The following UBE3D variants were observed in gnomAD, a reference collection of about 807,000 sequenced individuals.
UBE3D encodes the protein ubiquitin protein ligase E3D.
Under a neutral mutation model 49.6 loss-of-function variants are expected in UBE3D, and 48 were observed. The observed-to-expected ratio is 0.97, with a 90% confidence interval of 0.77 to 1.23. The LOEUF is 1.23. Ranked by LOEUF, UBE3D falls within the 50% of genes most tolerant of loss-of-function variation. UBE3D has a pLI of 0.00. For missense variants in UBE3D, 452 were observed against 468.4 expected, an observed-to-expected ratio of 0.96 and a Z score of 0.32; for synonymous variants, 189 against 174.2, an observed-to-expected ratio of 1.08 and a Z score of -0.67.
rs760040124 is a variant in UBE3D, at chr6:83,022,526, A to C, written c.773T>G (p.Leu258Arg). ...WFVQSVIAQCLVQLSSARSTF... is the reference protein window; with the variant it reads ...WFVQSVIAQCRVQLSSARSTF... Reference sequence around the variant, plus strand: ...GCTTCTAGCAGAGGAGAGCTGCACCAGACACTGGGCGATCACGCTCTGGAC... The same window carrying C: ...GCTTCTAGCAGAGGAGAGCTGCACCCGACACTGGGCGATCACGCTCTGGAC... The change falls in exon 7 of 10, where the codon CTG becomes CGG. Residue 258 changes from leucine (L) to arginine (R), a missense_variant. Transcript: ENST00000369747. 1.9e-6 allele frequency: 3 copies of C among 1,605,700 alleles called. No homozygotes were observed. The East Asian group carries it at 6.8e-5, about 36-fold the overall frequency.
At chr6:82,902,017 C>G (rs1771771943) in intron 9 of UBE3D, among the ~76,000 whole-genome samples, 1 of 152,166 alleles carries the variant, frequency 6.6e-6, no homozygotes, top group Non-Finnish European at 1.5e-5. Flanking sequence ...TGGCATATGA[C>G]TAGACTGTGG....
At chr6:82,890,561 C>T (rs1770961651), downstream of UBE3D, among the ~76,000 whole-genome samples, 1 of 152,138 alleles carries the variant, frequency 6.6e-6, no homozygotes, top group South Asian at 2.1e-4. Flanking sequence ...CAGAAACCTG[C>T]CCTTTGTGTG....
intron 5 of UBE3D, among the ~76,000 whole-genome samples, chr6:83,027,434 C>CAAAAAAAAAAAAAA (rs61225462): frequency 0.038 from 1,309 of 34,604 alleles, 333 homozygotes; most frequent in Admixed American, 0.05. Flanking sequence ...GACTCCGTCT[C>CAAAAAAAAAAAAAA]AAAAAAAAAA....
At chr6:82,902,217 G>A (rs1771790743) in intron 9 of UBE3D, among the ~76,000 whole-genome samples, 2 of 152,152 alleles carry the variant, frequency 1.3e-5, no homozygotes, top group Non-Finnish European at 2.9e-5. Flanking sequence ...AGAGCCATTC[G>A]AGAAAACAGT....
At position 83,052,950 on chromosome 6, in the gene UBE3D, G is replaced by A. The variant is rs1218780049; in HGVS notation, c.365+1198C>T. Among the ~76,000 whole-genome samples, 3 of 152,214 alleles carry A rather than the reference G, an allele frequency of 2.0e-5. No homozygotes were observed. The East Asian group carries it at 5.8e-4, about 29-fold the overall frequency. On this transcript the variant is annotated intron_variant, in intron 3 of 9. Coordinates refer to ENST00000369747, the MANE Select transcript of UBE3D (RefSeq NM_198920.3). ...GCCTCAACTAAGGTAGAGGCACTGGGATGGAGGAAAGTGGACTTATGTAAG... is the reference window on the plus strand; with the variant it reads ...GCCTCAACTAAGGTAGAGGCACTGGAATGGAGGAAAGTGGACTTATGTAAG...
Position 83,022,454 on chromosome 6 carries a change from A to C in UBE3D, c.845T>G (p.Leu282Trp), listed in dbSNP as rs1781167123. 15 of 1,567,830 alleles carry C rather than the reference A, an allele frequency of 9.6e-6. No homozygotes were observed. In the East Asian group the frequency reaches 3.5e-4, roughly 37 times the overall value. ...IQGQDDKVYI[L>W]LWLLNSDSLV... ...AAGCTGGATAAAATAATTTCTTACC[A>C]AGATATACACTTTGTCATCCTGACC... Residue 282 changes from leucine to tryptophan, a missense_variant and splice_region_variant, in exon 7 of 10, where the codon TTG becomes TGG. Transcript: ENST00000369747.
At chr6:82,971,325 T>A (rs968666499) in intron 8 of UBE3D, among the ~76,000 whole-genome samples, 2 of 152,018 alleles carry the variant, frequency 1.3e-5, no homozygotes, top group African/African-American at 4.8e-5. Context: ...AGAAACGCAT[T>A]TCTAATCCTC....
chr6:83,053,692 A>C (rs1325602198), intron 3 of UBE3D, among the ~76,000 whole-genome samples: 1 of 152,242 alleles, frequency 6.6e-6, no homozygotes, highest in African/African-American at 2.4e-5. Context: ...TGTGCTCTGT[A>C]TGCTCTGTTT....
intron 8 of UBE3D, among the ~76,000 whole-genome samples, chr6:82,978,632 T>G (rs1011771648): frequency 6.6e-6 from 1 of 152,212 alleles, no homozygotes; most frequent in African/African-American, 2.4e-5. Context: ...AAGTTATTGT[T>G]AAAATTCATA....
At chr6:82,908,865 G>A (rs1772295627) in intron 9 of UBE3D, among the ~76,000 whole-genome samples, 1 of 152,170 alleles carries the variant, frequency 6.6e-6, no homozygotes. Flanking sequence ...CCAGGGCACA[G>A]AGACAGTCCT....
chr6:83,015,957 C>T (rs978530827), intron 8 of UBE3D, among the ~76,000 whole-genome samples: 1 of 152,164 alleles, frequency 6.6e-6, no homozygotes, highest in Non-Finnish European at 1.5e-5. Flanking sequence ...CCAGCTTCAT[C>T]AGGGTCCTCC....
chr6:82,918,035 C>G (rs757263740), intron 9 of UBE3D, among the ~76,000 whole-genome samples: 1 of 152,172 alleles, frequency 6.6e-6, no homozygotes, highest in Non-Finnish European at 1.5e-5. Context: ...AATAAATTCT[C>G]TGCTTTCTTT....
chr6:82,883,279 G>A, the UBE3D span, among the ~76,000 whole-genome samples: 1 of 152,074 alleles, frequency 6.6e-6, no homozygotes, highest in Non-Finnish European at 1.5e-5. Context: ...AATCTTAAAG[G>A]ATATAGAACC....
At chr6:82,896,650 T>C (rs1002915260) in intron 9 of UBE3D, among the ~76,000 whole-genome samples, 1 of 152,226 alleles carries the variant, frequency 6.6e-6, no homozygotes, top group African/African-American at 2.4e-5. Flanking sequence ...TGTGACACGT[T>C]AAACATTTTT....
chr6:83,001,093 G>A (rs1042990993), intron 8 of UBE3D, among the ~76,000 whole-genome samples: 9 of 151,998 alleles, frequency 5.9e-5, no homozygotes, highest in Non-Finnish European at 1.0e-4. Flanking sequence ...ATCTGCCAGC[G>A]TTGGCTTCCC....
intron 9 of UBE3D, among the ~76,000 whole-genome samples, chr6:82,950,161 C>T (rs959558884): frequency 3.3e-5 from 5 of 152,066 alleles, no homozygotes; most frequent in African/African-American, 1.2e-4. Context: ...TCAAACAACT[C>T]TATAGGAAAA....
intron 8 of UBE3D, among the ~76,000 whole-genome samples, chr6:82,963,195 T>TC (rs1239251096): frequency 6.6e-6 from 1 of 150,508 alleles, no homozygotes; most frequent in East Asian, 1.9e-4. Flanking sequence ...TTCATCTTTT[T>TC]TTTTTTTTTT....
intron 9 of UBE3D, among the ~76,000 whole-genome samples, chr6:82,953,456 G>A (rs1474042890): frequency 1.3e-5 from 2 of 152,180 alleles, no homozygotes; most frequent in Non-Finnish European, 2.9e-5. Flanking sequence ...CTTAAATCCA[G>A]ACCTTATCTG....
chr6:83,009,635 T>TA (rs781092519), intron 8 of UBE3D, among the ~76,000 whole-genome samples: 19 of 138,602 alleles, frequency 1.4e-4, no homozygotes, highest in Non-Finnish European at 2.5e-4. Context: ...ATTATATCTA[T>TA]AAAAAGAGAT....
Sources: gnomAD v4.1 joint callset for allele counts (sites outside exome capture counted in the v4.1 genomes callset) on GRCh38, gnomAD v4.1.1 for gene constraint, MANE v1.5 for transcripts, NCBI Gene and HGNC (gene_info 2026-07-23, HGNC 2026-07-21) for gene names.